Variants in FANCC observed in about 807,000 individuals in gnomAD.
The protein encoded by FANCC is FA complementation group C.
Under a neutral mutation model 71.3 loss-of-function variants are expected in FANCC, and 55 were observed. The observed-to-expected ratio is 0.77, with a 90% CI of 0.62 to 0.97. The LOEUF is 0.97. FANCC is among the 50% of genes least tolerant of loss of function. The pLI, the probability that FANCC is intolerant of heterozygous loss-of-function variation, is 0.00. For missense variants in FANCC, 678 were observed against 670.9 expected (o/e 1.01, Z -0.12); for synonymous variants, 275 against 244.9 (o/e 1.12, Z -1.15).
intron 6 of FANCC, among the ~76,000 whole-genome samples, chr9:95,165,885 A>C (rs1274414806): frequency 6.6e-6 from 1 of 151,998 alleles, no homozygotes; most frequent in Non-Finnish European, 1.5e-5. Flanking sequence ...GGTGAAATCT[A>C]TTATTATTGT....
intron 14 of FANCC, among the ~76,000 whole-genome samples, chr9:95,102,414 G>C (rs2071131605): frequency 6.6e-6 from 1 of 152,204 alleles, no homozygotes; most frequent in East Asian, 1.9e-4. Flanking sequence ...GTACTTGTTG[G>C]TGCCTGTAAG....
intron 6 of FANCC, among the ~76,000 whole-genome samples, chr9:95,170,623 T>G (rs1825601387): frequency 7.5e-6 from 1 of 133,186 alleles, no homozygotes; most frequent in Admixed American, 8.0e-5. Flanking sequence ...CATCAAATGT[T>G]GCCTTGTAAA....
chr9:95,112,211 C>T lies in FANCC; in HGVS notation c.1155-574G>A, dbSNP rs16911979. Among the ~76,000 whole-genome samples the T allele has an allele frequency of 3.1e-3, 469 of 152,312 alleles. 1 individual carries two copies. The highest frequency in any genetic ancestry group is 0.02 in the Middle Eastern group (6 of 294). ...ATACTTGTTTTAAGGGTAGAATTTG[C>T]TTGAGATAAGGGCCTACTAATTGTG... On this transcript the variant is annotated intron_variant, in intron 12 of 14. Transcript: ENST00000289081.
At chr9:95,156,779 C>A (rs1377921191) in intron 6 of FANCC, among the ~76,000 whole-genome samples, 3 of 152,130 alleles carry the variant, frequency 2.0e-5, no homozygotes, top group African/African-American at 7.2e-5. Flanking sequence ...ATCTCTGACA[C>A]CATGATAACC....
At chr9:95,111,879 G>T (rs1443159279) in intron 12 of FANCC, among the ~76,000 whole-genome samples, 1 of 152,194 alleles carries the variant, frequency 6.6e-6, no homozygotes, top group African/African-American at 2.4e-5. Flanking sequence ...GGACATCGGA[G>T]TCTTTAATCC....
intron 4 of FANCC, among the ~76,000 whole-genome samples, chr9:95,217,232 T>C (rs1222460565): frequency 6.6e-6 from 1 of 152,188 alleles, no homozygotes; most frequent in Non-Finnish European, 1.5e-5. Flanking sequence ...ACACCTGTAA[T>C]CCCAGCACTT....
intron 3 of FANCC, 77 bp downstream of exon 3, chr9:95,247,355 G>A (rs1831050608): frequency 1.9e-6 from 2 of 1,064,626 alleles, no homozygotes; most frequent in Non-Finnish European, 2.9e-6. Flanking sequence ...TAGGAGAAAG[G>A]TTCATAATGT....
intron 6 of FANCC, among the ~76,000 whole-genome samples, chr9:95,163,798 G>A (rs1366487638): frequency 1.3e-5 from 2 of 152,222 alleles, no homozygotes; most frequent in Admixed American, 6.5e-5. Flanking sequence ...AAAGTGAGCC[G>A]AGATTGCGCC....
At chr9:95,302,065 G>A (rs1225658533) in intron 1 of FANCC, among the ~76,000 whole-genome samples, 3 of 124,574 alleles carry the variant, frequency 2.4e-5, no homozygotes, top group Non-Finnish European at 4.7e-5. Context: ...CTGGGAGACA[G>A]AGTGAGACTC....
chr9:95,213,829 T>C (rs1427567831), intron 4 of FANCC, among the ~76,000 whole-genome samples: 1 of 152,122 alleles, frequency 6.6e-6, no homozygotes, highest in Non-Finnish European at 1.5e-5. Context: ...AATTTAAAAC[T>C]TTCAAAAGAC....
At chr9:95,194,442 T>C (rs1292225899) in intron 4 of FANCC, among the ~76,000 whole-genome samples, 1 of 152,176 alleles carries the variant, frequency 6.6e-6, no homozygotes, top group African/African-American at 2.4e-5. Context: ...GGTACAAAAC[T>C]ATCCACAGCC....
At position 95,172,114 on chromosome 9, in the gene FANCC, ATC is replaced by A. The variant is rs1564720637; in HGVS notation, c.377_378del (p.Arg126IlefsTer2). On this transcript the variant is annotated frameshift_variant, in exon 5 of 15. Coordinates refer to ENST00000289081, the MANE Select transcript of FANCC (RefSeq NM_000136.3). LOFTEE classifies it high-confidence loss of function. ...GTGAAAAGAGCAACTTCTTTATCAA[ATC>A]TGAGTGCTGAAAGTATATGAGATAA... Reference protein sequence around the residue: ...GVLSHILSALRFDKEVALFTQ... With the variant: ...GVLSHILSALXFDKEVALFTQ... The A allele has an allele frequency of 6.2e-7, 1 of 1,612,916 alleles. No individual in the cohort carries two copies. The highest frequency in any genetic ancestry group is 8.5e-7 in the Non-Finnish European group (1 of 1,178,992).
At chr9:95,118,006 A>C (rs920991258) in intron 10 of FANCC, among the ~76,000 whole-genome samples, 3 of 150,792 alleles carry the variant, frequency 2.0e-5, no homozygotes, top group African/African-American at 4.9e-5. Flanking sequence ...ACAGTGAGCC[A>C]CCATGCCCGG....
At chr9:95,213,987 T>A (rs1421908040) in intron 4 of FANCC, among the ~76,000 whole-genome samples, 1 of 152,132 alleles carries the variant, frequency 6.6e-6, no homozygotes, top group Non-Finnish European at 1.5e-5. Context: ...ACAGATGGAC[T>A]GAACAGGCAT....
At chr9:95,140,987 A>G (rs1828566872) in intron 7 of FANCC, among the ~76,000 whole-genome samples, 2 of 151,982 alleles carry the variant, frequency 1.3e-5, no homozygotes, top group Admixed American at 6.6e-5. Context: ...CTGTGACTCA[A>G]TTTGTGACCA....
intron 4 of FANCC, among the ~76,000 whole-genome samples, chr9:95,192,236 C>A (rs568799886): frequency 6.6e-6 from 1 of 152,262 alleles, no homozygotes; most frequent in South Asian, 2.1e-4. Flanking sequence ...AAGGACATCA[C>A]CAGGTAGACA....
intron 4 of FANCC, 55 bp downstream of exon 4, chr9:95,240,594 C>T (rs992472321): frequency 1.4e-6 from 2 of 1,417,398 alleles, no homozygotes; most frequent in Admixed American, 1.7e-5. Context: ...TTAAGCAGCA[C>T]TTTTAAATAA....
rs4647512 is a variant in FANCC at position 95,126,448 on chromosome 9, C to T, written c.896+81G>A. The T allele has an allele frequency of 0.055, 73,505 of 1,328,902 alleles. 2,540 individuals are homozygous for T. The highest frequency in any genetic ancestry group is 0.087 in the South Asian group (7,190 of 82,682). 82.3% of individuals were successfully genotyped at this position (1,328,902 alleles called of 1,614,324 possible). A position where few individuals can be genotyped will look rare whatever the true frequency, so the allele number is the denominator to read the frequency against. Reference sequence around the variant, plus strand: ...AATTTCCCCATGATACAGCCAGAGACTACCACAACATTTTCTGATTCATGC... The same window carrying T: ...AATTTCCCCATGATACAGCCAGAGATTACCACAACATTTTCTGATTCATGC... On this transcript the variant is annotated intron_variant, in intron 9 of 14. Coordinates refer to ENST00000289081, the MANE Select transcript of FANCC (RefSeq NM_000136.3).
At chr9:95,243,388 A>T (rs1830746096) in intron 3 of FANCC, among the ~76,000 whole-genome samples, 1 of 152,146 alleles carries the variant, frequency 6.6e-6, no homozygotes. Flanking sequence ...TTTCCAAATC[A>T]TCCCTCCTTC....
Sources: allele counts gnomAD v4.1 joint callset (sites outside exome capture counted in the v4.1 genomes callset), GRCh38; gene constraint gnomAD v4.1.1; transcripts MANE v1.5; gene names NCBI Gene and HGNC (gene_info 2026-07-23, HGNC 2026-07-21).